EPHA7: variants seen among roughly 807,000 people sequenced by gnomAD.
The protein encoded by EPHA7 is ephrin type-A receptor 7.
In EPHA7, 25 loss-of-function variants were observed where a neutral mutation model predicts 112.6. The ratio of observed to expected loss-of-function variants is 0.22; its 90% CI spans 0.16 to 0.31. The LOEUF is 0.31. EPHA7 is among the 10% of genes least tolerant of loss of function. The probability of loss-of-function intolerance (pLI) is 1.00; values close to 1 mark genes in which losing one functional copy is unlikely to be tolerated. For synonymous variants in EPHA7, 437 were observed against 406.5 expected, an observed-to-expected ratio of 1.07 and a Z score of -0.90; for missense variants, 962 against 1,212.6, an observed-to-expected ratio of 0.79 and a Z score of 3.07.
At chr6:93,260,352 A>G (rs1324992633) in intron 9 of EPHA7, 1 of 226,106 alleles carries the variant, frequency 4.4e-6, no homozygotes, top group Non-Finnish European at 7.4e-6. Flanking sequence ...GTAACAGATA[A>G]TACTATGTCA....
chr6:93,359,631 T>C (rs1043426762), intron 3 of EPHA7, among the ~76,000 whole-genome samples: 1 of 152,050 alleles, frequency 6.6e-6, no homozygotes, highest in African/African-American at 2.4e-5. Context: ...AATCCTAAAG[T>C]ACTGAGATGT....
At chr6:93,257,358 A>T in intron 12 of EPHA7, 104 bp downstream of exon 12, 1 of 750,766 alleles carries the variant, frequency 1.3e-6, no homozygotes, top group Non-Finnish European at 2.2e-6. Context: ...CTAACCTCTT[A>T]CTATTTTACA....
chr6:93,360,468 T>G (rs571170185), intron 3 of EPHA7, among the ~76,000 whole-genome samples: 5 of 152,228 alleles, frequency 3.3e-5, no homozygotes, highest in Admixed American at 3.3e-4. Flanking sequence ...AAGTTTTTGA[T>G]GACATTGTGT....
chr6:93,402,131 C>A (rs892204151), intron 3 of EPHA7, among the ~76,000 whole-genome samples: 2 of 151,942 alleles, frequency 1.3e-5, no homozygotes, highest in African/African-American at 4.8e-5. Context: ...ACTAACAAAC[C>A]ACAGAAAACT....
At chr6:93,390,894 A>G (rs1186483515) in intron 3 of EPHA7, among the ~76,000 whole-genome samples, 1 of 151,962 alleles carries the variant, frequency 6.6e-6, no homozygotes, top group Non-Finnish European at 1.5e-5. Flanking sequence ...TGTTGATTGA[A>G]CTAAATTGAA....
intron 5 of EPHA7, among the ~76,000 whole-genome samples, chr6:93,289,766 A>G (rs1412258416): frequency 6.6e-6 from 1 of 152,196 alleles, no homozygotes; most frequent in Admixed American, 6.5e-5. Flanking sequence ...CTAAACAGGA[A>G]TTTGGAGATT....
At chr6:93,303,874 G>A (rs1009332984) in intron 5 of EPHA7, among the ~76,000 whole-genome samples, 1 of 151,964 alleles carries the variant, frequency 6.6e-6, no homozygotes, top group Non-Finnish European at 1.5e-5. Context: ...ATTTTTCCCC[G>A]ATTTTTCTTT....
chr6:93,274,247 C>T (rs777003893), intron 5 of EPHA7, among the ~76,000 whole-genome samples: 6 of 151,814 alleles, frequency 4.0e-5, no homozygotes, highest in Middle Eastern at 3.2e-3. Flanking sequence ...TGGTTTCTAT[C>T]CCTAACTATC....
chr6:93,331,951 C>T (rs757129229), intron 5 of EPHA7, among the ~76,000 whole-genome samples: 45 of 151,560 alleles, frequency 3.0e-4, no homozygotes, highest in Admixed American at 5.3e-4. Context: ...CAGTTCAGTT[C>T]AATAGAAATA....
intron 5 of EPHA7, among the ~76,000 whole-genome samples, chr6:93,302,356 G>C (rs1489818272): frequency 1.3e-5 from 2 of 152,000 alleles, no homozygotes; most frequent in Non-Finnish European, 2.9e-5. Context: ...TGACTCCTGG[G>C]TTCTTTGACC....
intron 5 of EPHA7, among the ~76,000 whole-genome samples, chr6:93,305,709 G>A (rs940544994): frequency 6.6e-6 from 1 of 151,778 alleles, no homozygotes; most frequent in Non-Finnish European, 1.5e-5. Flanking sequence ...AAAACCATAA[G>A]TAATTAATTT....
At chr6:93,275,259 T>G (rs1467763508) in intron 5 of EPHA7, among the ~76,000 whole-genome samples, 1 of 151,810 alleles carries the variant, frequency 6.6e-6, no homozygotes, top group East Asian at 1.9e-4. Flanking sequence ...AGACATGTTG[T>G]AATTGGAATT....
At chr6:93,266,961 A>G (rs924658759) in intron 7 of EPHA7, among the ~76,000 whole-genome samples, 1 of 151,798 alleles carries the variant, frequency 6.6e-6, no homozygotes, top group Non-Finnish European at 1.5e-5. Context: ...TAGAGTCTGC[A>G]AGTTCAAAGT....
intron 7 of EPHA7, among the ~76,000 whole-genome samples, chr6:93,266,433 AT>A (rs1439167678): frequency 6.6e-6 from 1 of 151,706 alleles, no homozygotes; most frequent in Non-Finnish European, 1.5e-5. Context: ...GTGCATATTT[AT>A]TTATACATTT....
At chr6:93,332,428 C>T (rs164560) in intron 5 of EPHA7, among the ~76,000 whole-genome samples, 66,847 of 151,346 alleles carry the variant, frequency 0.44, 16,190 homozygotes, top group African/African-American at 0.66. Flanking sequence ...GCTTTGTATA[C>T]TTGTAATCTT....
At chr6:93,397,739 T>A (rs1778251643) in intron 3 of EPHA7, among the ~76,000 whole-genome samples, 1 of 151,982 alleles carries the variant, frequency 6.6e-6, no homozygotes, top group South Asian at 2.1e-4. Context: ...GAATATAATG[T>A]ACATTGTTTT....
intron 5 of EPHA7, among the ~76,000 whole-genome samples, chr6:93,319,489 C>A (rs1773964732): frequency 6.6e-6 from 1 of 152,088 alleles, no homozygotes; most frequent in South Asian, 2.1e-4. Flanking sequence ...GAGCTGAGAC[C>A]ACAGACGCTG....
intron 10 of EPHA7, among the ~76,000 whole-genome samples, chr6:93,258,694 A>G (rs1770556287): frequency 6.7e-6 from 1 of 148,642 alleles, no homozygotes; most frequent in Admixed American, 6.8e-5. Context: ...ATATTATATT[A>G]GTATATTACC....
At chr6:93,335,272 T>C (rs368368791) in intron 5 of EPHA7, among the ~76,000 whole-genome samples, 1 of 152,116 alleles carries the variant, frequency 6.6e-6, no homozygotes, top group East Asian at 1.9e-4. Context: ...ATTATTCTAC[T>C]TCTGTTTTTA....
Sources: allele counts gnomAD v4.1 joint callset (sites outside exome capture counted in the v4.1 genomes callset), GRCh38; gene constraint gnomAD v4.1.1; transcripts MANE v1.5; gene names NCBI Gene and HGNC (gene_info 2026-07-23, HGNC 2026-07-21).